The following TPM2 variants were observed in gnomAD, a reference collection of about 807,000 sequenced individuals.
TPM2 encodes tropomyosin 2.
Under a neutral mutation model 41.0 loss-of-function variants are expected in TPM2, and 26 were observed. That is an observed-to-expected ratio of 0.63 (90% CI 0.46 to 0.88). The LOEUF (loss-of-function observed/expected upper bound fraction) is 0.88. TPM2 is among the 40% of genes least tolerant of loss of function. TPM2 has a pLI of 0.00. For missense variants in TPM2, 187 were observed against 355.2 expected (o/e 0.53, Z 3.81); for synonymous variants, 143 against 139.3 (o/e 1.03, Z -0.19).
Position 35,685,063 on chromosome 9 carries a change from C to A in TPM2, c.563+206G>T, listed in dbSNP as rs750232683. On this transcript the variant is annotated intron_variant, in intron 5 of 8. Transcript: ENST00000645482. This position sits in a 1 kb window ranked among gnomAD's most constrained non-coding sequence, Gnocchi z 5.0. ...CCAGAAAGGTTCAGAGGGGTCACTA[C>A]CTCCTCCTCTGAGGCCATCAGGGAC... 1.2e-6 allele frequency: 2 copies of A among 1,614,068 alleles called. No individual in the cohort carries two copies. Among genetic ancestry groups the A allele is most frequent in the Non-Finnish European group, 1.7e-6 (2 of 1,180,038 alleles).
In TPM2 at chr9:35,689,230, C is replaced by T. The variant is rs765880979; in HGVS notation, c.156G>A (p.Gly52=). 1 of 1,614,240 alleles carries T rather than the reference C, an allele frequency of 6.2e-7. No homozygotes were observed. The highest frequency in any genetic ancestry group is 8.5e-7 in the Non-Finnish European group (1 of 1,180,038). ...EQQALQKKLK[G]TEDEVEKYSE... ...AATACTTTTCCACCTCATCCTCTGT[C>T]CCCTTCAGCTTCTTCTGGAGGGCCT... is the stretch of plus-strand genomic sequence containing the variant. Residue 52 remains glycine (G), a synonymous_variant, in exon 2 of 9, where the codon GGG becomes GGA. Coordinates refer to ENST00000645482, the MANE Select transcript of TPM2 (RefSeq NM_003289.4).
intron 5 of TPM2, 192 bp from the exon 6 acceptor site, chr9:35,684,999 G>A (rs1398299783): frequency 4.3e-6 from 7 of 1,613,998 alleles, no homozygotes; most frequent in Non-Finnish European, 5.9e-6. Context: ...CTGCGGTGCT[G>A]AGACGGAGGG....
At chr9:35,684,023 A>G in intron 8 of TPM2, 1 of 577,688 alleles carries the variant, frequency 1.7e-6, no homozygotes. Context: ...AAACTCTCCC[A>G]GTGATTCTCA....
chr9:35,684,962 G>A (rs1824800545), intron 5 of TPM2, 155 bp from the exon 6 acceptor site: 2 of 1,612,420 alleles, frequency 1.2e-6, no homozygotes, highest in African/African-American at 2.7e-5. Context: ...GGCCCTTCCT[G>A]ATCCCCAGCA....
chr9:35,686,568 G>A (rs1486363877), intron 2 of TPM2: 1 of 143,204 alleles, frequency 7.0e-6, no homozygotes, highest in African/African-American at 2.6e-5. Flanking sequence ...CAGCTACTCC[G>A]AAGGCTAAGG....
At chr9:35,682,762 C>CA (rs772872506), downstream of TPM2, 8 of 1,321,116 alleles carry the variant, frequency 6.1e-6, no homozygotes, top group African/African-American at 1.6e-5. Flanking sequence ...CAGAGAGCGA[C>CA]AGCCAGGGAG....
chr9:35,682,676 GCT>G, downstream of TPM2: 1 of 1,311,704 alleles, frequency 7.6e-7, no homozygotes, highest in Non-Finnish European at 1.0e-6. Context: ...CCAGCTAAGT[GCT>G]CTGAGGTCAG....
At chr9:35,682,692 T>C, downstream of TPM2, 1 of 1,312,358 alleles carries the variant, frequency 7.6e-7, no homozygotes, top group Non-Finnish European at 1.0e-6. Flanking sequence ...AGGTCAGGGA[T>C]TGGCACCAGA....
rs104894129 is a variant in TPM2, at chr9:35,685,672, C to T, written c.349G>A (p.Glu117Lys). The change falls in exon 3 of 9, where the codon GAG becomes AAG. Residue 117 changes from glutamate (E) to lysine (K), a missense_variant. Coordinates refer to ENST00000645482, the MANE Select transcript of TPM2 (RefSeq NM_003289.4). This position sits in a 1 kb window ranked among gnomAD's most constrained non-coding sequence, Gnocchi z 5.0. Reference sequence around the variant, plus strand: ...CTCTCGCTCTCATCAGCCGCCTTCTCGGCCTCCTCCAGCTTCTGCAGGGCT... The same window carrying T: ...CTCTCGCTCTCATCAGCCGCCTTCTTGGCCTCCTCCAGCTTCTGCAGGGCT... ...ATALQKLEEA[E>K]KAADESERGM... 6.2e-7 allele frequency: 1 copy of T among 1,614,100 alleles called. No individual in the cohort carries two copies. The highest frequency in any genetic ancestry group is 1.6e-4 in the Middle Eastern group (1 of 6,062).
chr9:35,682,623 C>A (rs1202250890), downstream of TPM2: 5 of 1,301,994 alleles, frequency 3.8e-6, no homozygotes, highest in Non-Finnish European at 3.0e-6. Context: ...CTGCACCTCA[C>A]CACCCTACTT....
Position 35,685,636 on chromosome 9 carries a change from C to A in TPM2, c.374+11G>T. On this transcript the variant is annotated intron_variant, in intron 3 of 8. Transcript: ENST00000645482. This position sits in a 1 kb window ranked among gnomAD's most constrained non-coding sequence, Gnocchi z 5.0. ...CCCTCCCGGACCATCCTCCCCGAGG[C>A]CCCTGACCACCTCTCGCTCTCATCA... 1 of 1,614,176 alleles carries A rather than the reference C, an allele frequency of 6.2e-7. No individual in the cohort carries two copies. Among genetic ancestry groups the A allele is most frequent in the Non-Finnish European group, 8.5e-7 (1 of 1,180,032 alleles).
chr9:35,684,607 C>CCAT, intron 6 of TPM2, 57 bp from the exon 7 acceptor site: 2 of 1,613,658 alleles, frequency 1.2e-6, no homozygotes, highest in Non-Finnish European at 1.7e-6. Context: ...CTTCATTTCT[C>CCAT]CATTGTACCC....
chr9:35,683,962 C>T (rs1261747900), intron 8 of TPM2: 1 of 447,904 alleles, frequency 2.2e-6, no homozygotes, highest in South Asian at 2.1e-5. Flanking sequence ...GTAAATCCTC[C>T]AGCCCAAAGT....
At position 35,685,824 on chromosome 9, in the gene TPM2, G is replaced by A; in HGVS notation, c.241-44C>T. ...GGGTCAAAAAGGCCTTGTTAGCCTT[G>A]GATAAGGATCAGAGAGGCTCCAGAG... On this transcript the variant is annotated intron_variant, in intron 2 of 8. Transcript: ENST00000645482. The surrounding 1 kb of genome is among the most constrained non-coding windows in gnomAD (Gnocchi z 5.0). The A allele has an allele frequency of 1.2e-6, 2 of 1,613,348 alleles. No individual in the cohort carries two copies. The highest frequency in any genetic ancestry group is 1.7e-6 in the Non-Finnish European group (2 of 1,180,030).
rs1424104767 is a variant in TPM2 at position 35,689,905 on chromosome 9, C to A, written c.-88G>T. ...GCGGACTGGGTGCACCGGTGGCAGG[C>A]GAGGAGGACGGAGCGGGACTGGGAC... is the stretch of plus-strand genomic sequence containing the variant. On this transcript the variant is annotated 5_prime_UTR_variant, in exon 1 of 9. Coordinates refer to ENST00000645482, the MANE Select transcript of TPM2 (RefSeq NM_003289.4). The A allele has an allele frequency of 3.8e-5, 61 of 1,604,062 alleles. No homozygotes were observed. Among genetic ancestry groups the A allele is most frequent in the Non-Finnish European group, 4.8e-5 (57 of 1,177,312 alleles).
At position 35,685,213 on chromosome 9, in the gene TPM2, C is replaced by T; in HGVS notation, c.563+56G>A. 2 of 1,614,062 alleles carry T rather than the reference C, an allele frequency of 1.2e-6. No homozygotes were observed. Among genetic ancestry groups the T allele is most frequent in the Non-Finnish European group, 1.7e-6 (2 of 1,179,920 alleles). On this transcript the variant is annotated intron_variant, in intron 5 of 8. Transcript: ENST00000645482. This position sits in a 1 kb window ranked among gnomAD's most constrained non-coding sequence, Gnocchi z 5.0. Reference sequence around the variant, plus strand: ...CCAAGCCTAGGATGCTACCTTCCCACTGTGTGGAAGGCCCCAGGGCCAATG... The same window carrying T: ...CCAAGCCTAGGATGCTACCTTCCCATTGTGTGGAAGGCCCCAGGGCCAATG...
chr9:35,689,563 T>C (rs1825133326), intron 1 of TPM2, 141 bp downstream of exon 1: 1 of 1,482,754 alleles, frequency 6.7e-7, no homozygotes. Flanking sequence ...GCGAAGGCCC[T>C]GAGGGTACTG....
At position 35,684,324 on chromosome 9, in the gene TPM2, A is replaced by G. The variant is rs2131848760; in HGVS notation, c.703-9T>C. The G allele has an allele frequency of 1.9e-6, 3 of 1,614,148 alleles. No individual in the cohort carries two copies. The highest frequency in any genetic ancestry group is 1.3e-5 in the African/African-American group (1 of 75,054). ...TCTGCTCGGGTCTCAGCCTGGGGGT[A>G]AAGGCAGGATGGGAGAAATGGCAAA... On this transcript the variant is annotated splice_polypyrimidine_tract_variant and intron_variant, in intron 7 of 8. Coordinates refer to ENST00000645482, the MANE Select transcript of TPM2 (RefSeq NM_003289.4).
intron 2 of TPM2, among the ~76,000 whole-genome samples, 198 bp downstream of exon 2, chr9:35,688,948 G>A (rs773761639): frequency 1.3e-5 from 2 of 152,218 alleles, no homozygotes; most frequent in Admixed American, 6.5e-5. Context: ...GGGGGAAGTG[G>A]TAGGTGGTTT....
Sources: allele counts gnomAD v4.1 joint callset (sites outside exome capture counted in the v4.1 genomes callset), GRCh38; gene constraint gnomAD v4.1.1; non-coding constraint Gnocchi (gnomAD v3.1); transcripts MANE v1.5; gene names NCBI Gene and HGNC (gene_info 2026-07-23, HGNC 2026-07-21).